The following KRT13 variants were observed in gnomAD, a reference collection of about 807,000 sequenced individuals.
KRT13 encodes the protein keratin, type I cytoskeletal 13.
KRT13 carries 27 observed loss-of-function variants against 40.6 expected under a neutral mutation model. The observed-to-expected ratio is 0.67, with a 90% CI of 0.49 to 0.92. The LOEUF is 0.92. Among genes scored for constraint, KRT13 ranks in the 40% least tolerant of loss-of-function variants. KRT13 has a pLI of 0.00. For synonymous variants in KRT13, 266 were observed against 240.3 expected, an observed-to-expected ratio of 1.11 and a Z score of -0.99; for missense variants, 605 against 611.5, an observed-to-expected ratio of 0.99 and a Z score of 0.11.
At position 41,502,745 on chromosome 17, in the gene KRT13, G is replaced by A. The variant is rs377025441; in HGVS notation, c.965C>T (p.Thr322Met). The A allele has an allele frequency of 5.8e-5, 93 of 1,614,052 alleles. No individual in the cohort carries two copies. The highest frequency in any genetic ancestry group is 7.3e-5 in the Non-Finnish European group (86 of 1,180,044). Residue 322 changes from threonine to methionine, a missense_variant, in exon 5 of 8, where the codon ACG becomes ATG. Coordinates refer to ENST00000246635, the MANE Select transcript of KRT13 (RefSeq NM_153490.3). Reference protein sequence around the residue: ...AMIQTSKTEITELRRTLQGLE... With the variant: ...AMIQTSKTEIMELRRTLQGLE... ...GCCTTGGAGCGTGCGCCTGAGCTCC[G>A]TGATCTCTGTCTTGCTGGTCTGAAT...
chr17:41,503,519 C>T, intron 2 of KRT13, 76 bp from the exon 3 acceptor site: 2 of 1,559,388 alleles, frequency 1.3e-6, no homozygotes, highest in Non-Finnish European at 1.8e-6. Flanking sequence ...CCTACCCCTG[C>T]ACGAGACTCC....
chr17:41,502,886 G>A (rs779753347), intron 4 of KRT13, 51 bp downstream of exon 4: 35 of 1,614,112 alleles, frequency 2.2e-5, no homozygotes, highest in African/African-American at 2.7e-5. Context: ...GTGTCCGCCC[G>A]GCCCCCCTGG....
intron 6 of KRT13, chr17:41,502,071 G>T: frequency 1.0e-6 from 1 of 985,450 alleles, no homozygotes; most frequent in Non-Finnish European, 1.2e-6. Context: ...TCTGCAAAGG[G>T]TCTAAAGGCA....
Position 41,503,043 on chromosome 17 carries a change from G to A in KRT13, c.791C>T (p.Ala264Val). 2 of 1,614,186 alleles carry A rather than the reference G, an allele frequency of 1.2e-6. No individual in the cohort carries two copies. The highest frequency in any genetic ancestry group is 1.1e-5 in the South Asian group (1 of 91,080). Reference protein sequence around the residue: ...VVGQVNVEMDATPGIDLTRVL... With the variant: ...VVGQVNVEMDVTPGIDLTRVL... Reference sequence around the variant, plus strand: ...GCGGGTCAGGTCAATGCCTGGGGTGGCATCCATCTCCACGTTGACCTGGCC... The same window carrying A: ...GCGGGTCAGGTCAATGCCTGGGGTGACATCCATCTCCACGTTGACCTGGCC... Residue 264 changes from alanine to valine, a missense_variant, in exon 4 of 8, where the codon GCC (alanine) becomes GTC (valine). By Grantham distance (64) the Ala-to-Val change is moderately conservative. Transcript: ENST00000246635.
chr17:41,503,335 G>A lies in KRT13; in HGVS notation c.687C>T (p.Ile229=), dbSNP rs779846006. Residue 229 remains isoleucine (I), a synonymous_variant, in exon 3 of 8, where the codon ATC becomes ATT. Coordinates refer to ENST00000246635, the MANE Select transcript of KRT13 (RefSeq NM_153490.3). ...TLSKTDLEMQ[I]ESLNEELAYM... ...AGGCTAGCTCTTCATTCAGGCTCTC[G>A]ATCTGCATCTCCAGGTCAGTCTTAG... The A allele has an allele frequency of 8.1e-6, 13 of 1,614,088 alleles. No individual in the cohort carries two copies. In the East Asian group the frequency reaches 8.9e-5, roughly 11 times the overall value.
chr17:41,504,043 C>T (rs528472413), intron 1 of KRT13: 4 of 393,144 alleles, frequency 1.0e-5, no homozygotes, highest in African/African-American at 2.1e-5. Flanking sequence ...ATGGGCAGGA[C>T]CTGGTTCCCA....
rs1904831042 is a variant in KRT13, at chr17:41,501,118, G to A, written c.*138C>T. On this transcript the variant is annotated 3_prime_UTR_variant, in exon 8 of 8. Coordinates refer to ENST00000246635, the MANE Select transcript of KRT13 (RefSeq NM_153490.3). Reference sequence around the variant, plus strand: ...AAGAGCACAGAGGGCCCACCATCAGGAGAGAGTCAGGACAGGGGGTCCTGA... The same window carrying A: ...AAGAGCACAGAGGGCCCACCATCAGAAGAGAGTCAGGACAGGGGGTCCTGA... The A allele has an allele frequency of 1.5e-5, 10 of 654,668 alleles. No individual in the cohort carries two copies. Among genetic ancestry groups the A allele is most frequent in the South Asian group, 1.3e-4 (8 of 63,636 alleles). The allele number at this position is 654,668 out of a possible 1,614,324, so 40.6% of individuals were successfully genotyped here. A position where few individuals can be genotyped will look rare whatever the true frequency, so the allele number is the denominator to read the frequency against.
intron 7 of KRT13, 124 bp from the exon 8 acceptor site, chr17:41,501,486 T>A: frequency 9.4e-7 from 1 of 1,067,140 alleles, no homozygotes; most frequent in Non-Finnish European, 1.4e-6. Context: ...AGACTCTTTA[T>A]TGTCCCCAAA....
At chr17:41,501,614 A>G in intron 7 of KRT13, 105 bp downstream of exon 7, 1 of 1,535,816 alleles carries the variant, frequency 6.5e-7, no homozygotes, top group South Asian at 1.2e-5. Flanking sequence ...TACACTGGAG[A>G]GCCCAGCACT....
rs530902322 is a variant in KRT13, at chr17:41,503,280, C to T, written c.735+7G>A. The T allele has an allele frequency of 1.1e-4, 170 of 1,614,116 alleles. No individual in the cohort carries two copies. Among genetic ancestry groups the T allele is most frequent in the African/African-American group, 2.0e-4 (15 of 75,038 alleles). ...TGAGCCCAGGGCAGCCTGCAATTCC[C>T]GCTCACCTCTTCATGGTTCTTCTTC... On this transcript the variant is annotated splice_region_variant and intron_variant, in intron 3 of 7. Transcript: ENST00000246635.
At chr17:41,502,235 C>T in intron 6 of KRT13, 139 bp downstream of exon 6, 1 of 1,589,468 alleles carries the variant, frequency 6.3e-7, no homozygotes, top group South Asian at 1.1e-5. Context: ...TGCAGCCTAC[C>T]AAGGAAATGT....
intron 7 of KRT13, 57 bp from the exon 8 acceptor site, chr17:41,501,419 G>A: frequency 7.1e-7 from 1 of 1,401,344 alleles, no homozygotes; most frequent in Non-Finnish European, 9.9e-7. Context: ...TCAGGACAGG[G>A]CAGGGCCCCC....
chr17:41,502,447 G>C lies in KRT13; in HGVS notation c.1171C>G (p.Leu391Val). Residue 391 changes from leucine to valine, a missense_variant, in exon 6 of 8, where the codon CTG becomes GTG. Physicochemically the swap from Leu to Val is conservative, Grantham distance 32. Coordinates refer to ENST00000246635, the MANE Select transcript of KRT13 (RefSeq NM_153490.3). ...TCCAGACGTGTCTTGATGTCCAGCAGCATCTTGTACTCTTGGTTCTGGCAC... is the reference window on the plus strand; with the variant it reads ...TCCAGACGTGTCTTGATGTCCAGCACCATCTTGTACTCTTGGTTCTGGCAC... ...MECQNQEYKM[L>V]LDIKTRLEQE... 1 of 1,614,252 alleles carries C rather than the reference G, an allele frequency of 6.2e-7. No homozygotes were observed. The highest frequency in any genetic ancestry group is 1.1e-5 in the South Asian group (1 of 91,090).
chr17:41,501,303 T>C lies in KRT13; in HGVS notation c.1330A>G (p.Thr444Ala). The C allele has an allele frequency of 1.9e-6, 3 of 1,576,462 alleles. No individual in the cohort carries two copies. Among genetic ancestry groups the C allele is most frequent in the Non-Finnish European group, 2.6e-6 (3 of 1,161,132 alleles). Reference sequence around the variant, plus strand: ...GTGCGGCGACCAGAGGCATTAGAGGTGGTGGTAACAGAGGCACTAGAAGTC... The same window carrying C: ...GTGCGGCGACCAGAGGCATTAGAGGCGGTGGTAACAGAGGCACTAGAAGTC... ...TTTSSASVTT[T>A]SNASGRRTSD... Residue 444 changes from threonine to alanine, a missense_variant, in exon 8 of 8, where the codon ACC becomes GCC. Thr to Ala is a moderately conservative substitution (Grantham distance 58). Transcript: ENST00000246635.
In KRT13 at chr17:41,503,461, T is replaced by C; in HGVS notation, c.579-18A>G. The stretch of plus-strand genomic sequence containing the variant: ...TCTCATACCTAAAATAGTAAAAAAA[T>C]GAAATGTTTTTTGAAAAAGCAAGAC... On this transcript the variant is annotated intron_variant, in intron 2 of 7. Coordinates refer to ENST00000246635, the MANE Select transcript of KRT13 (RefSeq NM_153490.3). The C allele has an allele frequency of 6.2e-7, 1 of 1,613,760 alleles. No individual in the cohort carries two copies. Among genetic ancestry groups the C allele is most frequent in the South Asian group, 1.1e-5 (1 of 91,070 alleles).
At chr17:41,502,215 G>GTGT in intron 6 of KRT13, 159 bp downstream of exon 6, 2 of 1,551,448 alleles carry the variant, frequency 1.3e-6, no homozygotes, top group Non-Finnish European at 8.7e-7. Flanking sequence ...AAGTTTAAAG[G>GTGT]TGTTAACCCT....
chr17:41,501,429 C>T (rs1207129069), intron 7 of KRT13, 67 bp from the exon 8 acceptor site: 2 of 1,320,004 alleles, frequency 1.5e-6, no homozygotes, highest in Non-Finnish European at 2.1e-6. Context: ...GCAGGGCCCC[C>T]CTGGAGGGCT....
intron 6 of KRT13, 80 bp downstream of exon 6, chr17:41,502,294 G>A (rs2144502958): frequency 1.9e-6 from 3 of 1,611,868 alleles, no homozygotes; most frequent in Admixed American, 3.3e-5. Context: ...ATGAGGGGGT[G>A]GATCTCTAAG....
At position 41,505,196 on chromosome 17, in the gene KRT13, G is replaced by T. The variant is rs1321451899; in HGVS notation, c.355C>A (p.Leu119Met). The T allele has an allele frequency of 1.9e-6, 3 of 1,614,072 alleles. No homozygotes were observed. In the Admixed American group the frequency reaches 5.0e-5, roughly 27 times the overall value. Residue 119 changes from leucine to methionine, a missense_variant, in exon 1 of 8, where the codon CTG (leucine) becomes ATG (methionine). Leu to Met is a conservative substitution (Grantham distance 15). Transcript: ENST00000246635. The part of the protein sequence containing the change: ...QNLNDRLASY[L>M]EKVRALEEAN... ...TCCTCCAGGGCGCGCACCTTCTCCA[G>T]GTAGGAAGCCAGGCGGTCGTTGAGG...
Sources: gnomAD v4.1 joint callset for allele counts on GRCh38, gnomAD v4.1.1 for gene constraint, MANE v1.5 for transcripts, NCBI Gene and HGNC (gene_info 2026-07-23, HGNC 2026-07-21) for gene names.